The following CPNE4 variants were observed in gnomAD, a reference collection of about 807,000 sequenced individuals.
CPNE4 encodes the protein copine-4.
In CPNE4, 25 loss-of-function variants were observed where a neutral mutation model predicts 67.9. The ratio of observed to expected loss-of-function variants is 0.37; its 90% confidence interval spans 0.27 to 0.51. CPNE4 has a LOEUF of 0.51. Ranked by LOEUF, CPNE4 falls within the 20% of genes least tolerant of loss-of-function variation. CPNE4 has a pLI of 0.93. For synonymous variants in CPNE4, 242 were observed against 244.9 expected (o/e 0.99, Z 0.11); for missense variants, 464 against 690.8 (o/e 0.67, Z 3.68).
intron 11 of CPNE4, among the ~76,000 whole-genome samples, chr3:131,556,993 C>A (rs1010632789): frequency 1.8e-4 from 28 of 152,178 alleles, no homozygotes; most frequent in African/African-American, 6.3e-4. Flanking sequence ...GGCTAAGTGG[C>A]CTATGGTGAT....
intron 3 of CPNE4, among the ~76,000 whole-genome samples, chr3:131,715,850 C>T (rs569607597): frequency 2.6e-5 from 4 of 152,214 alleles, no homozygotes; most frequent in Admixed American, 6.5e-5. Flanking sequence ...CTCTCTTTGG[C>T]GTACCCACTA....
chr3:131,907,490 C>T (rs551276662), intron 1 of CPNE4, among the ~76,000 whole-genome samples: 6 of 95,536 alleles, frequency 6.3e-5, no homozygotes, highest in Admixed American at 1.3e-4. Flanking sequence ...CTCAGCATTA[C>T]GCATCACACA....
intron 7 of CPNE4, among the ~76,000 whole-genome samples, chr3:131,607,587 A>G (rs930630146): frequency 3.3e-5 from 5 of 152,170 alleles, no homozygotes; most frequent in Non-Finnish European, 7.4e-5. Flanking sequence ...CCAAGTTTCT[A>G]TCTAAATCCA....
chr3:131,827,004 C>T (rs893421056), intron 2 of CPNE4, among the ~76,000 whole-genome samples: 3 of 152,042 alleles, frequency 2.0e-5, no homozygotes, highest in Non-Finnish European at 2.9e-5. Context: ...TGCATCACTG[C>T]ACTCCATCCT....
At chr3:131,853,364 G>A (rs2086310238) in intron 2 of CPNE4, among the ~76,000 whole-genome samples, 2 of 151,566 alleles carry the variant, frequency 1.3e-5, no homozygotes, top group Non-Finnish European at 3.0e-5. Flanking sequence ...GAAACAACTC[G>A]ATACTTGTGT....
intron 7 of CPNE4, among the ~76,000 whole-genome samples, chr3:131,624,912 C>T (rs914061023): frequency 1.3e-5 from 2 of 152,208 alleles, no homozygotes; most frequent in African/African-American, 4.8e-5. Context: ...CTGCACTTCT[C>T]ATGCACAGAA....
intron 2 of CPNE4, among the ~76,000 whole-genome samples, chr3:131,865,296 T>A (rs557838705): frequency 6.6e-6 from 1 of 152,336 alleles, no homozygotes; most frequent in East Asian, 1.9e-4. Context: ...AGCTCCTCCT[T>A]GTACCTCTGG....
chr3:131,988,944 ATTCTT>A (rs1292647028), intron 1 of CPNE4, among the ~76,000 whole-genome samples: 2 of 152,208 alleles, frequency 1.3e-5, no homozygotes, highest in Non-Finnish European at 2.9e-5. Context: ...AATACAAATT[ATTCTT>A]TTCTATGCAT....
chr3:131,861,790 G>C (rs975726094), intron 2 of CPNE4, among the ~76,000 whole-genome samples: 1 of 152,128 alleles, frequency 6.6e-6, no homozygotes, highest in Non-Finnish European at 1.5e-5. Context: ...TGTTAGACTT[G>C]AGAACACTAA....
At chr3:131,874,454 G>C (rs2107701773) in intron 2 of CPNE4, among the ~76,000 whole-genome samples, 1 of 152,232 alleles carries the variant, frequency 6.6e-6, no homozygotes, top group South Asian at 2.1e-4. Flanking sequence ...CCAAACACGA[G>C]GAATAAAAAT....
intron 2 of CPNE4, among the ~76,000 whole-genome samples, chr3:131,828,322 C>T (rs1359361353): frequency 6.6e-6 from 1 of 152,148 alleles, no homozygotes; most frequent in African/African-American, 2.4e-5. Flanking sequence ...AAGAAAGTGT[C>T]TCCCTAATTT....
rs1419986292 is a variant in CPNE4 at position 131,552,377 on chromosome 3, T to C, written c.1168+63A>G. On this transcript the variant is annotated intron_variant, in intron 13 of 15. Coordinates refer to ENST00000429747, the MANE Select transcript of CPNE4 (RefSeq NM_130808.3). Reference sequence around the variant, plus strand: ...ATATGCTACACCAGCAGAGATGAACTAAAATGGGAAAGCTGCAAAGGGAAG... The same window carrying C: ...ATATGCTACACCAGCAGAGATGAACCAAAATGGGAAAGCTGCAAAGGGAAG... 4.3e-6 allele frequency: 6 copies of C among 1,411,418 alleles called. No homozygotes were observed. In the African/African-American group the frequency reaches 8.5e-5, roughly 20 times the overall value. The allele number at this position is 1,411,418 out of a possible 1,614,324, so 87.4% of individuals were successfully genotyped here. A position where few individuals can be genotyped will look rare whatever the true frequency, so the allele number is the denominator to read the frequency against.
intron 4 of CPNE4, among the ~76,000 whole-genome samples, chr3:131,699,696 T>A (rs1437119659): frequency 5.3e-5 from 8 of 152,280 alleles, no homozygotes; most frequent in African/African-American, 1.9e-4. Context: ...CAAATGCTTT[T>A]CCTTTTTTAT....
chr3:131,556,749 C>G (rs1485807713), intron 11 of CPNE4, among the ~76,000 whole-genome samples: 1 of 152,116 alleles, frequency 6.6e-6, no homozygotes, highest in Non-Finnish European at 1.5e-5. Flanking sequence ...TTTGAGTTAT[C>G]TTATGCACAC....
chr3:131,785,500 G>A (rs185435977), intron 2 of CPNE4, among the ~76,000 whole-genome samples: 33 of 152,104 alleles, frequency 2.2e-4, no homozygotes, highest in African/African-American at 7.0e-4. Context: ...CTCCAGAGCT[G>A]CTATTTCCAT....
intron 1 of CPNE4, among the ~76,000 whole-genome samples, chr3:131,963,667 G>A (rs889696307): frequency 6.6e-6 from 1 of 152,192 alleles, no homozygotes; most frequent in African/African-American, 2.4e-5. Flanking sequence ...AGCGGCTGTG[G>A]CCAGGCTGCC....
chr3:131,924,127 G>A (rs147409088), intron 1 of CPNE4, among the ~76,000 whole-genome samples: 1 of 152,290 alleles, frequency 6.6e-6, no homozygotes, highest in African/African-American at 2.4e-5. Context: ...GACAGTGAAA[G>A]AACAAAAGTC....
intron 2 of CPNE4, among the ~76,000 whole-genome samples, chr3:131,761,897 A>C (rs2082899954): frequency 6.6e-6 from 1 of 152,116 alleles, no homozygotes; most frequent in Non-Finnish European, 1.5e-5. Flanking sequence ...GCATTGCTTT[A>C]ATGCTCAAAT....
At chr3:131,703,473 T>TC (rs1462008294) in intron 3 of CPNE4, among the ~76,000 whole-genome samples, 1 of 152,192 alleles carries the variant, frequency 6.6e-6, no homozygotes, top group African/African-American at 2.4e-5. Context: ...CTTATCTGCA[T>TC]CCACCCACGG....
Sources: gnomAD v4.1 joint callset for allele counts (sites outside exome capture counted in the v4.1 genomes callset) on GRCh38, gnomAD v4.1.1 for gene constraint, MANE v1.5 for transcripts, NCBI Gene and HGNC (gene_info 2026-07-23, HGNC 2026-07-21) for gene names.